Variants in NCOA1 observed in about 807,000 individuals in gnomAD.
The protein encoded by NCOA1 is Hin-2 protein.
A neutral mutation model predicts 150.9 loss-of-function variants in NCOA1; 35 were observed. The observed-to-expected ratio is 0.23, with a 90% CI of 0.18 to 0.31. The LOEUF (loss-of-function observed/expected upper bound fraction) is 0.31, where lower values mean the gene tolerates loss of function less well. NCOA1 is among the 10% of genes least tolerant of loss of function. NCOA1 has a pLI of 1.00. For missense variants in NCOA1, 1,491 were observed against 1,749.3 expected (o/e 0.85, Z 2.63); for synonymous variants, 590 against 630.0 (o/e 0.94, Z 0.95).
chr2:24,763,524 C>G (rs186567562), intron 22 of NCOA1, among the ~76,000 whole-genome samples: 39 of 113,020 alleles, frequency 3.5e-4, no homozygotes, highest in African/African-American at 1.3e-3. Flanking sequence ...TGGGCGACAG[C>G]GAGACTCCAT....
chr2:24,557,273 T>G (rs1476830956), intron 1 of NCOA1, among the ~76,000 whole-genome samples: 4 of 152,118 alleles, frequency 2.6e-5, no homozygotes, highest in African/African-American at 9.7e-5. Context: ...TATGCCACTT[T>G]ATATGTCATA....
At chr2:24,744,140 G>T (rs1663761548) in intron 19 of NCOA1, among the ~76,000 whole-genome samples, 1 of 152,188 alleles carries the variant, frequency 6.6e-6, no homozygotes, top group Admixed American at 6.5e-5. Flanking sequence ...TGGAGTGGGT[G>T]GAGCTTCCTC....
At chr2:24,516,495 CTTTT>C (rs1222102360) in intron 1 of NCOA1, among the ~76,000 whole-genome samples, 1 of 146,696 alleles carries the variant, frequency 6.8e-6, no homozygotes, top group African/African-American at 2.5e-5. Flanking sequence ...CCCGGCCCGC[CTTTT>C]TTTTTTAATT....
chr2:24,618,486 A>G (rs760525975), intron 3 of NCOA1, among the ~76,000 whole-genome samples: 4 of 152,208 alleles, frequency 2.6e-5, no homozygotes, highest in African/African-American at 9.6e-5. Context: ...CCTTCAGCCA[A>G]TGGAATTCAG....
Position 24,608,246 on chromosome 2 carries a change from C to CTATTATTAT in NCOA1, c.-175+23730_-175+23738dup, listed in dbSNP as rs202179395. Among the ~76,000 whole-genome samples, 766 of 131,848 alleles carry CTATTATTAT rather than the reference C, an allele frequency of 5.8e-3. 4 individuals carry two copies. Among genetic ancestry groups the CTATTATTAT allele is most frequent in the East Asian group, 0.013 (60 of 4,568 alleles). 86.5% of individuals were successfully genotyped at this position (131,848 alleles called of 152,430 possible). On this transcript the variant is annotated intron_variant, in intron 3 of 22. Coordinates refer to ENST00000348332, the MANE Select transcript of NCOA1 (RefSeq NM_003743.5). Reference sequence around the variant, plus strand: ...CCCATATACTCCTCACCCAGTTCCCCTATTATTATTATTATTATTATTATT... The same window carrying CTATTATTAT: ...CCCATATACTCCTCACCCAGTTCCCCTATTATTATTATTATTATTATTATTATTATTATT...
chr2:24,645,679 A>G (rs2148466504), intron 4 of NCOA1, among the ~76,000 whole-genome samples: 1 of 152,286 alleles, frequency 6.6e-6, no homozygotes, highest in South Asian at 2.1e-4. Context: ...TATTTGCAGT[A>G]TACTTATCAG....
intron 3 of NCOA1, among the ~76,000 whole-genome samples, chr2:24,629,898 C>T (rs1669625639): frequency 1.4e-5 from 2 of 145,182 alleles, no homozygotes; most frequent in East Asian, 2.0e-4. Flanking sequence ...CGCTGGAGTC[C>T]AGTGGCGTGA....
intron 3 of NCOA1, among the ~76,000 whole-genome samples, chr2:24,640,610 C>A (rs939226985): frequency 6.6e-6 from 1 of 151,842 alleles, no homozygotes; most frequent in African/African-American, 2.4e-5. Context: ...GAGCTCAAGA[C>A]CAGCCTGGGC....
At chr2:24,704,948 T>C (rs1673344047) in intron 11 of NCOA1, 138 bp from the exon 12 acceptor site, 7 of 762,088 alleles carry the variant, frequency 9.2e-6, no homozygotes, top group Non-Finnish European at 1.4e-5. Flanking sequence ...GTCTGAACTA[T>C]TCTTTATTCT....
chr2:24,541,819 A>T (rs918081857), intron 1 of NCOA1, among the ~76,000 whole-genome samples: 1 of 152,216 alleles, frequency 6.6e-6, no homozygotes, highest in African/African-American at 2.4e-5. Flanking sequence ...TAAAGAAGAT[A>T]TAATTTGAGT....
intron 14 of NCOA1, among the ~76,000 whole-genome samples, chr2:24,721,290 A>G (rs1262570584): frequency 6.6e-6 from 1 of 152,016 alleles, no homozygotes; most frequent in African/African-American, 2.4e-5. Flanking sequence ...TTTGGGGTTC[A>G]CTCATTTTCT....
At chr2:24,694,216 C>G (rs1217399842) in intron 10 of NCOA1, among the ~76,000 whole-genome samples, 1 of 152,176 alleles carries the variant, frequency 6.6e-6, no homozygotes, top group Non-Finnish European at 1.5e-5. Context: ...CAAGTTGTTA[C>G]TGTTCTTTAT....
chr2:24,673,477 T>A lies in NCOA1; in HGVS notation c.354+14T>A. ...CTTCTTTTGGAGGTAGGTGTCTTCA[T>A]TGACTCAGAAAGTGATTAAAATCTT... On this transcript the variant is annotated intron_variant, in intron 7 of 22. Transcript: ENST00000348332. The A allele has an allele frequency of 4.5e-6, 7 of 1,546,112 alleles. No individual in the cohort carries two copies. The highest frequency in any genetic ancestry group is 6.1e-6 in the Non-Finnish European group (7 of 1,138,730).
intron 3 of NCOA1, among the ~76,000 whole-genome samples, chr2:24,596,799 G>A (rs760104135): frequency 3.3e-5 from 5 of 152,152 alleles, no homozygotes; most frequent in African/African-American, 7.2e-5. Flanking sequence ...ATTTCAAAGA[G>A]TTAAAGACTT....
intron 3 of NCOA1, among the ~76,000 whole-genome samples, chr2:24,609,040 C>T (rs1021091744): frequency 6.6e-5 from 10 of 152,126 alleles, no homozygotes; most frequent in African/African-American, 2.4e-4. Context: ...ATAGTGATTG[C>T]CATGTTACTC....
chr2:24,555,414 C>T (rs1290132247), intron 1 of NCOA1, among the ~76,000 whole-genome samples: 1 of 152,116 alleles, frequency 6.6e-6, no homozygotes, highest in Non-Finnish European at 1.5e-5. Context: ...CCATGTGCTC[C>T]TGAAAAGAAC....
At position 24,762,752 on chromosome 2, in the gene NCOA1, C is replaced by A; in HGVS notation, c.4131C>A (p.Leu1377=). ...YCNQLSSTDL[L]KTEADGTQQV... ...ACCAGCTCTCATCCACTGACCTTCT[C>A]AAAACAGAAGCAGATGGAACCCAGG... The change falls in exon 22 of 23, where the codon CTC becomes CTA. Residue 1377 remains leucine (L), a synonymous_variant. Transcript: ENST00000348332. 1.9e-6 allele frequency: 3 copies of A among 1,613,986 alleles called. No individual in the cohort carries two copies. Among genetic ancestry groups the A allele is most frequent in the Non-Finnish European group, 2.5e-6 (3 of 1,179,890 alleles).
intron 1 of NCOA1, among the ~76,000 whole-genome samples, chr2:24,533,600 T>G (rs1210238502): frequency 6.6e-6 from 1 of 152,198 alleles, no homozygotes; most frequent in Admixed American, 6.5e-5. Context: ...AAATAGCTCT[T>G]ATTATTTTGA....
intron 1 of NCOA1, among the ~76,000 whole-genome samples, chr2:24,499,119 C>A (rs1663347685): frequency 6.6e-6 from 1 of 152,164 alleles, no homozygotes; most frequent in Admixed American, 6.5e-5. Context: ...GTTGATCCAA[C>A]ATAATTTATT....
Sources: allele counts gnomAD v4.1 joint callset (sites outside exome capture counted in the v4.1 genomes callset), GRCh38; gene constraint gnomAD v4.1.1; transcripts MANE v1.5; gene names NCBI Gene and HGNC (gene_info 2026-07-23, HGNC 2026-07-21).